DCC: variants seen among roughly 807,000 people sequenced by gnomAD.
DCC encodes DCC netrin 1 receptor.
Under a neutral mutation model 172.5 loss-of-function variants are expected in DCC, and 58 were observed. That is an observed-to-expected ratio of 0.34 (90% CI 0.27 to 0.42). The LOEUF (loss-of-function observed/expected upper bound fraction) is 0.42, where lower values mean the gene tolerates loss of function less well. Among genes scored for constraint, DCC ranks in the 10% least tolerant of loss-of-function variants. The pLI is 1.00. For missense variants in DCC, 1,740 were observed against 1,791.0 expected, an observed-to-expected ratio of 0.97 and a Z score of 0.51; for synonymous variants, 709 against 644.5, an observed-to-expected ratio of 1.10 and a Z score of -1.52.
chr18:52,749,303 C>T (rs192231978), intron 1 of DCC, among the ~76,000 whole-genome samples: 1 of 152,186 alleles, frequency 6.6e-6, no homozygotes, highest in Non-Finnish European at 1.5e-5. Flanking sequence ...GAACCAGCAG[C>T]CCAGTTTTCA....
At chr18:53,368,717 G>A (rs980115113) in intron 15 of DCC, among the ~76,000 whole-genome samples, 13 of 151,926 alleles carry the variant, frequency 8.6e-5, no homozygotes, top group African/African-American at 1.9e-4. Flanking sequence ...CCATTAAATC[G>A]TCTTGAAATC....
At chr18:52,344,309 A>AATG (rs1199183454) in intron 1 of DCC, among the ~76,000 whole-genome samples, 1 of 152,220 alleles carries the variant, frequency 6.6e-6, no homozygotes, top group Non-Finnish European at 1.5e-5. Flanking sequence ...TTCCTAAACC[A>AATG]ATGGGAAGCT....
At chr18:53,116,868 TCTAGA>T (rs1355929775) in intron 7 of DCC, among the ~76,000 whole-genome samples, 2 of 151,712 alleles carry the variant, frequency 1.3e-5, no homozygotes, top group Non-Finnish European at 3.0e-5. Flanking sequence ...AATTCCTATG[TCTAGA>T]CTAAAGGGCA....
intron 12 of DCC, among the ~76,000 whole-genome samples, chr18:53,280,530 G>C (rs2056858650): frequency 6.6e-6 from 1 of 151,984 alleles, no homozygotes. Context: ...GCATGCTCTG[G>C]AGTTACTGGG....
chr18:52,813,758 G>A (rs1479485083), intron 2 of DCC, among the ~76,000 whole-genome samples: 1 of 152,158 alleles, frequency 6.6e-6, no homozygotes, highest in African/African-American at 2.4e-5. Context: ...TTGAAAGCCT[G>A]AATAGAACAA....
intron 1 of DCC, among the ~76,000 whole-genome samples, chr18:52,345,822 T>C (rs1983853596): frequency 6.6e-6 from 1 of 152,194 alleles, no homozygotes; most frequent in Admixed American, 6.5e-5. Context: ...AGCAGCTAAA[T>C]AGTGTTGTTA....
chr18:53,267,133 C>T (rs149258317), intron 12 of DCC, among the ~76,000 whole-genome samples: 57 of 145,440 alleles, frequency 3.9e-4, no homozygotes, highest in East Asian at 2.9e-3. Context: ...CACACACACA[C>T]ATATATATAT....
chr18:53,296,136 A>C (rs1474076972), intron 12 of DCC, among the ~76,000 whole-genome samples: 4 of 151,702 alleles, frequency 2.6e-5, no homozygotes, highest in Non-Finnish European at 4.4e-5. Context: ...GGGTCAGTGC[A>C]CAAATAAGTA....
At chr18:52,888,368 T>G (rs192244766) in intron 2 of DCC, among the ~76,000 whole-genome samples, 1 of 152,334 alleles carries the variant, frequency 6.6e-6, no homozygotes. Flanking sequence ...GATTTCTTTT[T>G]CCACAGGTGC....
chr18:52,905,026 T>G (rs2145445291), intron 2 of DCC, among the ~76,000 whole-genome samples: 1 of 152,214 alleles, frequency 6.6e-6, no homozygotes, highest in Admixed American at 6.5e-5. Context: ...TATCAGGGGG[T>G]TTGAGATGGC....
chr18:52,941,908 A>G (rs1405224328), intron 5 of DCC, among the ~76,000 whole-genome samples: 2 of 151,806 alleles, frequency 1.3e-5, no homozygotes, highest in African/African-American at 4.8e-5. Context: ...TCAGCCTCCC[A>G]AGTAGCTTGG....
At chr18:52,633,123 T>G (rs62083426) in intron 1 of DCC, among the ~76,000 whole-genome samples, 302 of 128,924 alleles carry the variant, frequency 2.3e-3, no homozygotes, top group East Asian at 0.022. Context: ...TTCCTTTCCT[T>G]TCCTGTCCTG....
intron 1 of DCC, among the ~76,000 whole-genome samples, chr18:52,575,539 G>A (rs921676429): frequency 1.4e-4 from 21 of 152,078 alleles, no homozygotes; most frequent in African/African-American, 4.6e-4. Flanking sequence ...TCAGTTATAG[G>A]TCTGGAAGTC....
At chr18:52,745,281 A>T (rs1036039901) in intron 1 of DCC, among the ~76,000 whole-genome samples, 3 of 152,228 alleles carry the variant, frequency 2.0e-5, no homozygotes, top group Non-Finnish European at 4.4e-5. Flanking sequence ...AAATTCCTCA[A>T]ATATGAAAAG....
chr18:52,437,777 A>G (rs1191341985), intron 1 of DCC, among the ~76,000 whole-genome samples: 1 of 152,210 alleles, frequency 6.6e-6, no homozygotes, highest in East Asian at 1.9e-4. Flanking sequence ...GGTCTTGGCT[A>G]TATGGAACAG....
chr18:53,214,653 T>C (rs1455277418), intron 11 of DCC, among the ~76,000 whole-genome samples: 2 of 152,178 alleles, frequency 1.3e-5, no homozygotes, highest in Admixed American at 6.5e-5. Context: ...CTTTATAGAT[T>C]AATATGTGTT....
chr18:53,079,683 A>C (rs551429655), intron 7 of DCC, among the ~76,000 whole-genome samples: 47 of 152,160 alleles, frequency 3.1e-4, no homozygotes, highest in Admixed American at 5.2e-4. Flanking sequence ...GAGAACTTAA[A>C]CAACTCTTTC....
chr18:53,012,153 G>A (rs1439205988), intron 5 of DCC, among the ~76,000 whole-genome samples: 3 of 151,872 alleles, frequency 2.0e-5, no homozygotes, highest in Admixed American at 6.6e-5. Context: ...GTAAATATAT[G>A]TCTTCCTTAT....
intron 1 of DCC, among the ~76,000 whole-genome samples, chr18:52,722,853 C>G (rs1456566897): frequency 6.6e-6 from 1 of 152,130 alleles, no homozygotes; most frequent in Non-Finnish European, 1.5e-5. Flanking sequence ...GTATTCCCTC[C>G]TTTTGGTGGG....
Sources: allele counts gnomAD v4.1 joint callset (sites outside exome capture counted in the v4.1 genomes callset), GRCh38; gene constraint gnomAD v4.1.1; transcripts MANE v1.5; gene names NCBI Gene and HGNC (gene_info 2026-07-23, HGNC 2026-07-21).